The following ARHGAP15 variants were observed in gnomAD, a reference collection of about 807,000 sequenced individuals.
ARHGAP15 encodes the protein Rho GTPase activating protein 15, also known as rho GTPase-activating protein 15.
ARHGAP15 carries 51 observed loss-of-function variants against 63.7 expected under a neutral mutation model. The observed-to-expected ratio is 0.80, with a 90% CI of 0.64 to 1.01. ARHGAP15 has a LOEUF of 1.01. ARHGAP15 is among the 50% of genes least tolerant of loss of function. ARHGAP15 has a pLI of 0.00. For synonymous variants in ARHGAP15, 191 were observed against 193.8 expected (o/e 0.99, Z 0.12); for missense variants, 560 against 564.6 (o/e 0.99, Z 0.08).
intron 10 of ARHGAP15, among the ~76,000 whole-genome samples, chr2:143,524,435 A>T (rs1694180035): frequency 6.6e-6 from 1 of 152,176 alleles, no homozygotes; most frequent in South Asian, 2.1e-4. Context: ...TTTTATGCTC[A>T]TTCCAAACTG....
intron 8 of ARHGAP15, among the ~76,000 whole-genome samples, chr2:143,471,150 TATAG>T (rs1357520212): frequency 2.7e-5 from 4 of 146,244 alleles, no homozygotes; most frequent in South Asian, 2.1e-4. Flanking sequence ...CATGTGTGTG[TATAG>T]ATACAGAAAG....
intron 1 of ARHGAP15, among the ~76,000 whole-genome samples, chr2:143,139,962 T>C (rs1016235811): frequency 1.3e-5 from 2 of 152,122 alleles, no homozygotes; most frequent in African/African-American, 4.8e-5. Context: ...GGAAAAAATA[T>C]AAAATGATGT....
chr2:143,636,376 A>C (rs922852171), intron 12 of ARHGAP15, among the ~76,000 whole-genome samples: 2 of 152,154 alleles, frequency 1.3e-5, no homozygotes, highest in Non-Finnish European at 2.9e-5. Flanking sequence ...GGAAATTTCT[A>C]TGTGCTTGTG....
chr2:143,418,202 C>A (rs1688768466), intron 6 of ARHGAP15, among the ~76,000 whole-genome samples: 1 of 152,300 alleles, frequency 6.6e-6, no homozygotes, highest in African/African-American at 2.4e-5. Flanking sequence ...ATAGTGGCCT[C>A]ACTGGAGTCA....
At chr2:143,440,375 G>A (rs528294520) in intron 8 of ARHGAP15, among the ~76,000 whole-genome samples, 115 of 152,190 alleles carry the variant, frequency 7.6e-4, no homozygotes, top group Admixed American at 3.9e-3. Context: ...TAATTATATA[G>A]AATCAGAGAC....
At chr2:143,320,339 C>T (rs1205444663) in intron 6 of ARHGAP15, among the ~76,000 whole-genome samples, 2 of 149,196 alleles carry the variant, frequency 1.3e-5, no homozygotes, top group Non-Finnish European at 1.5e-5. Flanking sequence ...TAATGTCAGC[C>T]CTAAAATGGC....
chr2:143,737,961 C>A (rs546313097), intron 13 of ARHGAP15, among the ~76,000 whole-genome samples: 2 of 151,968 alleles, frequency 1.3e-5, no homozygotes, highest in African/African-American at 4.8e-5. Context: ...TTTCACCATG[C>A]CGGTCAGGTT....
intron 7 of ARHGAP15, among the ~76,000 whole-genome samples, chr2:143,435,924 T>C (rs1170016491): frequency 1.3e-5 from 2 of 152,112 alleles, no homozygotes; most frequent in African/African-American, 2.4e-5. Context: ...ATTCTTTCTT[T>C]TTTTCTGAAA....
chr2:143,202,882 C>A (rs1692177637), intron 3 of ARHGAP15, among the ~76,000 whole-genome samples: 1 of 151,928 alleles, frequency 6.6e-6, no homozygotes, highest in African/African-American at 2.4e-5. Flanking sequence ...AAAAAGAGTA[C>A]CTGAAATATT....
intron 12 of ARHGAP15, among the ~76,000 whole-genome samples, chr2:143,675,088 T>C (rs1682758949): frequency 6.6e-6 from 1 of 152,240 alleles, no homozygotes; most frequent in Non-Finnish European, 1.5e-5. Flanking sequence ...GTGTATGTAA[T>C]ATTCTAAATC....
intron 6 of ARHGAP15, among the ~76,000 whole-genome samples, chr2:143,284,681 A>G (rs758697431): frequency 1.2e-4 from 19 of 152,194 alleles, no homozygotes; most frequent in Non-Finnish European, 2.4e-4. Context: ...CATCAGTGAG[A>G]TAACCAACAT....
At chr2:143,213,641 T>C (rs1692639282) in intron 3 of ARHGAP15, among the ~76,000 whole-genome samples, 1 of 152,196 alleles carries the variant, frequency 6.6e-6, no homozygotes, top group African/African-American at 2.4e-5. Flanking sequence ...TTAACAAATA[T>C]GCATGGTGGT....
At chr2:143,751,832 C>T (rs1686386778) in intron 13 of ARHGAP15, among the ~76,000 whole-genome samples, 1 of 152,178 alleles carries the variant, frequency 6.6e-6, no homozygotes, top group South Asian at 2.1e-4. Context: ...CTCTGTCCCC[C>T]TGGTGTAACA....
chr2:143,710,911 GA>G (rs1338453289), intron 13 of ARHGAP15, among the ~76,000 whole-genome samples: 1 of 152,170 alleles, frequency 6.6e-6, no homozygotes, highest in Non-Finnish European at 1.5e-5. Flanking sequence ...TCATATTTGT[GA>G]AAATGTTTGG....
At chr2:143,330,138 ACAAAAAACT>A (rs1684478199) in intron 6 of ARHGAP15, among the ~76,000 whole-genome samples, 1 of 133,006 alleles carries the variant, frequency 7.5e-6, no homozygotes. Flanking sequence ...AAAACCAAAA[ACAAAAAACT>A]AAACTAATGA....
intron 13 of ARHGAP15, among the ~76,000 whole-genome samples, chr2:143,763,912 A>AT (rs1317937323): frequency 2.0e-5 from 3 of 150,712 alleles, no homozygotes; most frequent in Non-Finnish European, 3.0e-5. Context: ...ATGACTCTTA[A>AT]TTTTTTTTAA....
intron 13 of ARHGAP15, among the ~76,000 whole-genome samples, chr2:143,731,697 G>A (rs573595431): frequency 4.1e-4 from 63 of 152,294 alleles, no homozygotes; most frequent in Non-Finnish European, 7.1e-4. Context: ...TTTGATGCTT[G>A]CATATAGCAT....
chr2:143,721,176 C>CACT (rs768558476), intron 13 of ARHGAP15, among the ~76,000 whole-genome samples: 4 of 151,716 alleles, frequency 2.6e-5, no homozygotes, highest in Non-Finnish European at 5.9e-5. Context: ...CTGCAGACCA[C>CACT]ACTTTCAGAA....
intron 8 of ARHGAP15, among the ~76,000 whole-genome samples, chr2:143,474,208 A>C (rs1292312796): frequency 6.6e-6 from 1 of 152,110 alleles, no homozygotes; most frequent in East Asian, 1.9e-4. Flanking sequence ...AAATAATAAT[A>C]ATCTATTACA....
Sources: gnomAD v4.1 joint callset for allele counts (sites outside exome capture counted in the v4.1 genomes callset) on GRCh38, gnomAD v4.1.1 for gene constraint, MANE v1.5 for transcripts, NCBI Gene and HGNC (gene_info 2026-07-23, HGNC 2026-07-21) for gene names.